NCOA3: variants seen among roughly 807,000 people sequenced by gnomAD.
NCOA3 encodes CBP-interacting protein.
Under a neutral mutation model 158.8 loss-of-function variants are expected in NCOA3, and 51 were observed. That is an observed-to-expected ratio of 0.32 (90% CI 0.26 to 0.41). The LOEUF (loss-of-function observed/expected upper bound fraction) is 0.41. NCOA3 is among the 10% of genes least tolerant of loss of function. NCOA3 has a pLI of 1.00. For missense variants in NCOA3, 1,510 were observed against 1,746.6 expected (o/e 0.86, Z 2.41); for synonymous variants, 537 against 592.4 (o/e 0.91, Z 1.36).
intron 2 of NCOA3, among the ~76,000 whole-genome samples, chr20:47,613,431 C>T (rs188140976): frequency 2.8e-3 from 425 of 150,430 alleles, no homozygotes; most frequent in Non-Finnish European, 5.1e-3. Context: ...GACATTTATC[C>T]CTGTTTTCTG....
chr20:47,626,226 T>A (rs1186637702), intron 5 of NCOA3, among the ~76,000 whole-genome samples: 1 of 152,272 alleles, frequency 6.6e-6, no homozygotes, highest in Non-Finnish European at 1.5e-5. Flanking sequence ...AGTTAACTTG[T>A]CAACTTCTTT....
intron 1 of NCOA3, among the ~76,000 whole-genome samples, chr20:47,567,964 A>G (rs866096524): frequency 6.6e-6 from 1 of 152,126 alleles, no homozygotes; most frequent in Non-Finnish European, 1.5e-5. Flanking sequence ...CCAGCCTCAC[A>G]AAGGATTGGG....
chr20:47,653,818 T>C lies in NCOA3; in HGVS notation c.*401T>C. The C allele has an allele frequency of 4.7e-6, 1 of 210,588 alleles. No homozygotes were observed. The highest frequency in any genetic ancestry group is 9.5e-6 in the Non-Finnish European group (1 of 105,670). The allele number at this position is 210,588 out of a possible 1,614,324, so 13.0% of individuals were successfully genotyped here. On this transcript the variant is annotated 3_prime_UTR_variant, in exon 23 of 23. Coordinates refer to ENST00000371998, the MANE Select transcript of NCOA3 (RefSeq NM_181659.3). ...AAGAATCAAGAGAGATTAGAATATC[T>C]GGTTTCTCTAGTTGCAGTATTGGAC...
At chr20:47,558,127 G>C (rs943642578) in intron 1 of NCOA3, among the ~76,000 whole-genome samples, 8 of 148,176 alleles carry the variant, frequency 5.4e-5, no homozygotes, top group African/African-American at 2.0e-4. Context: ...GCGCAATCTC[G>C]GCTCACTGCA....
At chr20:47,610,637 A>G (rs887860847) in intron 2 of NCOA3, among the ~76,000 whole-genome samples, 1 of 152,252 alleles carries the variant, frequency 6.6e-6, no homozygotes, top group African/African-American at 2.4e-5. Context: ...GCAGCAGTAC[A>G]GATGATGACC....
At chr20:47,639,503 T>C (rs546593068) in intron 14 of NCOA3, 74 bp from the exon 15 acceptor site, 1 of 1,561,474 alleles carries the variant, frequency 6.4e-7, no homozygotes, top group African/African-American at 1.4e-5. Context: ...TTGTGTATAA[T>C]GGCTGTACTT....
chr20:47,641,570 G>A (rs1429777980), intron 16 of NCOA3, among the ~76,000 whole-genome samples: 2 of 135,760 alleles, frequency 1.5e-5, no homozygotes, highest in African/African-American at 2.8e-5. Flanking sequence ...GCGCAATCTC[G>A]GATCACTGCA....
chr20:47,530,666 T>C (rs6066372), intron 1 of NCOA3, among the ~76,000 whole-genome samples: 10,240 of 152,176 alleles, frequency 0.067, 441 homozygotes, highest in Non-Finnish European at 0.097. Context: ...GGTTTCACCA[T>C]GTTGGTCAGG....
intron 1 of NCOA3, among the ~76,000 whole-genome samples, chr20:47,531,406 A>G (rs2084545066): frequency 6.6e-6 from 1 of 152,220 alleles, no homozygotes; most frequent in South Asian, 2.1e-4. Flanking sequence ...ATGAACCTTT[A>G]AACTGCACTT....
At chr20:47,624,222 T>C (rs2086286218) in intron 4 of NCOA3, 139 bp downstream of exon 4, 1 of 639,948 alleles carries the variant, frequency 1.6e-6, no homozygotes. Flanking sequence ...ACATTACGTT[T>C]GTGGTGCATT....
chr20:47,598,482 C>T (rs898945152), intron 2 of NCOA3, among the ~76,000 whole-genome samples: 3 of 151,922 alleles, frequency 2.0e-5, no homozygotes, highest in South Asian at 2.1e-4. Flanking sequence ...ATTACAGGTG[C>T]GTGCCACCAT....
intron 1 of NCOA3, among the ~76,000 whole-genome samples, chr20:47,538,292 T>C (rs2084667477): frequency 6.6e-6 from 1 of 152,202 alleles, no homozygotes; most frequent in African/African-American, 2.4e-5. Flanking sequence ...TGGACTGCTA[T>C]AGTAATTCAC....
chr20:47,591,037 G>T (rs1301787179), intron 2 of NCOA3, among the ~76,000 whole-genome samples: 1 of 152,052 alleles, frequency 6.6e-6, no homozygotes. Context: ...TGAACCCCAG[G>T]GGGCAGAGGC....
rs371537794 is a variant in NCOA3, at chr20:47,522,914, G to A, written c.-99+20895G>A. 2.7e-5 allele frequency among the ~76,000 whole-genome samples: 4 copies of A among 150,026 alleles called. No homozygotes were observed. In the East Asian group the frequency reaches 5.8e-4, roughly 22 times the overall value. On this transcript the variant is annotated intron_variant, in intron 1 of 22. Transcript: ENST00000371998. ...CTTTAAAAAAAAAAAAAACGAGCCC[G>A]GCGCGGTGGCTCACCCCTGTAATGC...
chr20:47,602,990 C>A (rs1159679801), intron 2 of NCOA3, among the ~76,000 whole-genome samples: 3 of 152,150 alleles, frequency 2.0e-5, no homozygotes, highest in Non-Finnish European at 2.9e-5. Flanking sequence ...TGAACGTTAA[C>A]ATGATTTTTC....
At chr20:47,529,850 A>C (rs1266868606) in intron 1 of NCOA3, among the ~76,000 whole-genome samples, 1 of 152,374 alleles carries the variant, frequency 6.6e-6, no homozygotes, top group East Asian at 1.9e-4. Context: ...GTTTAAAAAG[A>C]AACAGTGGAA....
In NCOA3 at chr20:47,617,031, T is replaced by G. The variant is rs115433345; in HGVS notation, c.-19-5198T>G. Among the ~76,000 whole-genome samples the G allele has an allele frequency of 7.9e-3, 1,201 of 152,256 alleles. 16 individuals are homozygous for G. The highest frequency in any genetic ancestry group is 0.026 in the African/African-American group (1,078 of 41,550). ...GTGCAGTGGCGCGGTCTTGGCTCAC[T>G]GGCAACTTCTGCCTCTCGGGTTTAA... On this transcript the variant is annotated intron_variant, in intron 2 of 22. Transcript: ENST00000371998.
At chr20:47,641,506 T>C (rs2146331279) in intron 16 of NCOA3, among the ~76,000 whole-genome samples, 1 of 133,116 alleles carries the variant, frequency 7.5e-6, no homozygotes, top group Admixed American at 7.5e-5. Flanking sequence ...TTTTTTTTTT[T>C]TTTTTTTTTT....
At chr20:47,536,108 A>C (rs575929603) in intron 1 of NCOA3, among the ~76,000 whole-genome samples, 1 of 152,148 alleles carries the variant, frequency 6.6e-6, no homozygotes, top group South Asian at 2.1e-4. Context: ...TGGCAGGCCA[A>C]AAGGCAACTT....
Sources: allele counts gnomAD v4.1 joint callset (sites outside exome capture counted in the v4.1 genomes callset), GRCh38; gene constraint gnomAD v4.1.1; transcripts MANE v1.5; gene names NCBI Gene and HGNC (gene_info 2026-07-23, HGNC 2026-07-21).